The following SNTB1 variants were observed in gnomAD, a reference collection of about 807,000 sequenced individuals.
SNTB1 encodes syntrophin beta 1, also known as beta-1-syntrophin.
In SNTB1, 36 loss-of-function variants were observed where a neutral mutation model predicts 48.9. The observed-to-expected ratio is 0.74, with a 90% confidence interval of 0.56 to 0.97. The LOEUF (loss-of-function observed/expected upper bound fraction) is 0.97. Ranked by LOEUF, SNTB1 falls within the 50% of genes least tolerant of loss-of-function variation. The probability of loss-of-function intolerance (pLI) is 0.00; values close to 1 mark genes in which losing one functional copy is unlikely to be tolerated. For missense variants in SNTB1, 786 were observed against 703.4 expected (o/e 1.12, Z -1.33); for synonymous variants, 299 against 294.6 (o/e 1.01, Z -0.15).
chr8:120,597,771 T>A (rs760824037), intron 3 of SNTB1, among the ~76,000 whole-genome samples: 1 of 152,264 alleles, frequency 6.6e-6, no homozygotes, highest in African/African-American at 2.4e-5. Flanking sequence ...TGAGTCACCC[T>A]GGCAGCATCA....
At chr8:120,799,484 T>C (rs558974050) in intron 1 of SNTB1, among the ~76,000 whole-genome samples, 1 of 149,398 alleles carries the variant, frequency 6.7e-6, no homozygotes, top group Non-Finnish European at 1.5e-5. Flanking sequence ...AAAGGAACAA[T>C]CAAAGAACAA....
chr8:120,611,822 G>GA (rs397892337), intron 3 of SNTB1, among the ~76,000 whole-genome samples: 2,035 of 57,882 alleles, frequency 0.035, 48 homozygotes, highest in African/African-American at 0.062. Context: ...ACTCTGTCTC[G>GA]AAAAAAAAAA....
chr8:120,611,802 A>C, intron 3 of SNTB1, among the ~76,000 whole-genome samples: 1 of 133,368 alleles, frequency 7.5e-6, no homozygotes, highest in African/African-American at 2.8e-5. Flanking sequence ...AGCCTGGGTG[A>C]CAGAGCGAGA....
intron 5 of SNTB1, among the ~76,000 whole-genome samples, chr8:120,547,481 C>T (rs1240240728): frequency 2.0e-5 from 3 of 151,246 alleles, no homozygotes; most frequent in African/African-American, 7.3e-5. Context: ...CCTGTAATTC[C>T]AGCTACTCAG....
chr8:120,751,777 G>A (rs914672302), intron 1 of SNTB1, among the ~76,000 whole-genome samples: 3 of 151,890 alleles, frequency 2.0e-5, no homozygotes, highest in African/African-American at 7.3e-5. Flanking sequence ...ATAGTATGAG[G>A]TTTAAATGAA....
At chr8:120,560,194 T>G (rs1382169849) in intron 4 of SNTB1, among the ~76,000 whole-genome samples, 2 of 152,150 alleles carry the variant, frequency 1.3e-5, no homozygotes, top group Admixed American at 6.5e-5. Flanking sequence ...TAACCTCCTT[T>G]CATCTGGGCC....
At chr8:120,742,103 T>C (rs2130007485) in intron 1 of SNTB1, among the ~76,000 whole-genome samples, 1 of 152,280 alleles carries the variant, frequency 6.6e-6, no homozygotes, top group Non-Finnish European at 1.5e-5. Flanking sequence ...GATGAACAAC[T>C]GTAGGAAATA....
intron 2 of SNTB1, among the ~76,000 whole-genome samples, chr8:120,634,760 T>C (rs1476801226): frequency 1.3e-5 from 2 of 152,142 alleles, no homozygotes; most frequent in African/African-American, 4.8e-5. Context: ...TTACAGTGAC[T>C]AAACCGTCTT....
chr8:120,799,425 A>G (rs1299933025), intron 1 of SNTB1, among the ~76,000 whole-genome samples: 1 of 152,046 alleles, frequency 6.6e-6, no homozygotes, highest in Non-Finnish European at 1.5e-5. Flanking sequence ...GCTCAGACAG[A>G]CAAGCAAAGA....
intron 2 of SNTB1, chr8:120,637,011 C>G (rs1172245313): frequency 2.9e-6 from 1 of 340,008 alleles, no homozygotes; most frequent in Non-Finnish European, 5.8e-6. Flanking sequence ...AGGATTTAAT[C>G]TACTTGTTCT....
At chr8:120,582,985 T>G (rs942065720) in intron 3 of SNTB1, among the ~76,000 whole-genome samples, 1 of 152,078 alleles carries the variant, frequency 6.6e-6, no homozygotes, top group African/African-American at 2.4e-5. Context: ...ATATTAAATA[T>G]AAGACTGGGT....
chr8:120,577,023 A>G (rs1815963120), intron 3 of SNTB1, among the ~76,000 whole-genome samples: 1 of 152,208 alleles, frequency 6.6e-6, no homozygotes, highest in Non-Finnish European at 1.5e-5. Flanking sequence ...GAACATGTCA[A>G]AAATGGTGTC....
At chr8:120,642,220 G>C (rs1003511479) in intron 2 of SNTB1, among the ~76,000 whole-genome samples, 16 of 152,178 alleles carry the variant, frequency 1.1e-4, no homozygotes, top group African/African-American at 3.9e-4. Context: ...AGCTTCCCCT[G>C]TCAGTTTTCA....
chr8:120,746,573 A>G (rs1326239136), intron 1 of SNTB1, among the ~76,000 whole-genome samples: 1 of 152,210 alleles, frequency 6.6e-6, no homozygotes, highest in East Asian at 1.9e-4. Flanking sequence ...GGCTCTTTAC[A>G]GAAAAAATTT....
intron 1 of SNTB1, among the ~76,000 whole-genome samples, chr8:120,746,855 T>C (rs1470859573): frequency 6.6e-6 from 1 of 152,210 alleles, no homozygotes; most frequent in African/African-American, 2.4e-5. Flanking sequence ...AAAATGTGCA[T>C]GGTGTTTAGT....
intron 1 of SNTB1, among the ~76,000 whole-genome samples, chr8:120,759,024 GCCTCC>G (rs1036422672): frequency 6.6e-6 from 1 of 151,946 alleles, no homozygotes; most frequent in African/African-American, 2.4e-5. Flanking sequence ...TCCACCCTCA[GCCTCC>G]CAAAGTGCAA....
chr8:120,688,485 TA>T (rs1417196809), intron 2 of SNTB1, among the ~76,000 whole-genome samples: 4 of 152,258 alleles, frequency 2.6e-5, no homozygotes, highest in Non-Finnish European at 2.9e-5. Flanking sequence ...TCTGGGGTAA[TA>T]AAATAAAAAT....
intron 1 of SNTB1, among the ~76,000 whole-genome samples, chr8:120,794,765 T>C (rs1407836411): frequency 2.0e-5 from 3 of 152,056 alleles, no homozygotes; most frequent in Non-Finnish European, 4.4e-5. Context: ...CTGGTTCCTC[T>C]AAAATTGGTG....
At chr8:120,597,123 A>C (rs778011905) in intron 3 of SNTB1, among the ~76,000 whole-genome samples, 5 of 152,218 alleles carry the variant, frequency 3.3e-5, no homozygotes, top group Non-Finnish European at 7.3e-5. Context: ...CAGATAGATG[A>C]GCAGAAGGCA....
Sources: allele counts gnomAD v4.1 joint callset (sites outside exome capture counted in the v4.1 genomes callset), GRCh38; gene constraint gnomAD v4.1.1; transcripts MANE v1.5; gene names NCBI Gene and HGNC (gene_info 2026-07-23, HGNC 2026-07-21).